Variants in SPAG16 observed in about 807,000 individuals in gnomAD.
SPAG16 encodes the protein sperm associated antigen 16.
SPAG16 carries 86 observed loss-of-function variants against 80.4 expected under a neutral mutation model. The ratio of observed to expected loss-of-function variants is 1.07; its 90% CI spans 0.90 to 1.28. The LOEUF (loss-of-function observed/expected upper bound fraction) is 1.28. Among genes scored for constraint, SPAG16 ranks in the 50% most tolerant of loss-of-function variants. The pLI, the probability that SPAG16 is intolerant of heterozygous loss-of-function variation, is 0.00. For missense variants in SPAG16, 870 were observed against 765.3 expected (o/e 1.14, Z -1.61); for synonymous variants, 294 against 265.9 (o/e 1.11, Z -1.03).
At chr2:214,128,908 C>G (rs572331972) in intron 14 of SPAG16, among the ~76,000 whole-genome samples, 2 of 151,676 alleles carry the variant, frequency 1.3e-5, no homozygotes, top group African/African-American at 4.8e-5. Flanking sequence ...ATTACTTCCC[C>G]GCTACTAAAG....
intron 13 of SPAG16, among the ~76,000 whole-genome samples, chr2:214,093,345 T>C (rs1559783375): frequency 6.6e-5 from 10 of 152,112 alleles, no homozygotes; most frequent in Admixed American, 6.6e-4. Context: ...TTCAACTTTA[T>C]TGCCATAGTA....
intron 5 of SPAG16, among the ~76,000 whole-genome samples, chr2:213,319,962 A>G (rs559248428): frequency 1.3e-5 from 2 of 152,096 alleles, no homozygotes; most frequent in African/African-American, 4.8e-5. Context: ...ATCTCATTCA[A>G]TAGAACTTAA....
Position 213,547,757 on chromosome 2 carries a change from C to T in SPAG16, c.1070+57667C>T, listed in dbSNP as rs556831618. 1.2e-4 allele frequency among the ~76,000 whole-genome samples: 19 copies of T among 152,230 alleles called. No individual in the cohort carries two copies. The South Asian group carries it at 3.7e-3, about 30-fold the overall frequency. On this transcript the variant is annotated intron_variant, in intron 10 of 15. Transcript: ENST00000331683. ...CAAGTAACCATTTAATATATTTTTT[C>T]GTATCCTTCGGAGGATTCATTTATA...
Position 213,350,596 on chromosome 2 carries a change from T to C in SPAG16, c.713T>C (p.Leu238Pro), listed in dbSNP as rs1331072413. ...RVLHEKHHTL[L>P]KEKMLTSLER... Reference sequence around the variant, plus strand: ...TTACATGAGAAACACCACACTTTACTGAAGGAGAAAATGCTGACCTCCTTG... The same window carrying C: ...TTACATGAGAAACACCACACTTTACCGAAGGAGAAAATGCTGACCTCCTTG... Residue 238 changes from leucine to proline, a missense_variant, in exon 7 of 16, where the codon CTG (leucine) becomes CCG (proline). Leu to Pro is a moderately conservative substitution (Grantham distance 98). Transcript: ENST00000331683. The C allele has an allele frequency of 1.9e-6, 3 of 1,605,478 alleles. No individual in the cohort carries two copies. The highest frequency in any genetic ancestry group is 2.5e-6 in the Non-Finnish European group (3 of 1,177,430).
At chr2:213,622,154 C>T (rs2061810063) in intron 10 of SPAG16, among the ~76,000 whole-genome samples, 1 of 152,078 alleles carries the variant, frequency 6.6e-6, no homozygotes. Flanking sequence ...AAATGGACCA[C>T]CCAATAGTCC....
intron 15 of SPAG16, among the ~76,000 whole-genome samples, chr2:214,218,151 A>G (rs891833208): frequency 6.6e-6 from 1 of 152,176 alleles, no homozygotes; most frequent in African/African-American, 2.4e-5. Flanking sequence ...GTGTCGCATG[A>G]AAGACTTCGA....
chr2:213,454,722 C>T (rs2071895436), intron 9 of SPAG16, among the ~76,000 whole-genome samples: 1 of 152,088 alleles, frequency 6.6e-6, no homozygotes, highest in Non-Finnish European at 1.5e-5. Flanking sequence ...CTGTTGCTGC[C>T]CACATGTAGG....
intron 10 of SPAG16, among the ~76,000 whole-genome samples, chr2:213,683,681 C>A (rs543862397): frequency 1.3e-5 from 2 of 151,888 alleles, no homozygotes; most frequent in Non-Finnish European, 2.9e-5. Context: ...AGGGTGAATG[C>A]CAAACATGCA....
chr2:213,450,072 A>C (rs1575617324), intron 9 of SPAG16, among the ~76,000 whole-genome samples: 1 of 152,338 alleles, frequency 6.6e-6, no homozygotes. Context: ...TGGTAGGCCA[A>C]GGCAGGTGGA....
chr2:213,893,401 G>A (rs2076862031), intron 11 of SPAG16, among the ~76,000 whole-genome samples: 1 of 152,152 alleles, frequency 6.6e-6, no homozygotes, highest in Non-Finnish European at 1.5e-5. Context: ...ATAATTAAGT[G>A]CATGGCCAAA....
At chr2:214,365,899 A>G (rs1198698893) in intron 15 of SPAG16, among the ~76,000 whole-genome samples, 1 of 152,130 alleles carries the variant, frequency 6.6e-6, no homozygotes, top group Non-Finnish European at 1.5e-5. Flanking sequence ...TTACAACTAA[A>G]AATAAAAAGG....
chr2:213,421,645 C>G (rs139099269), intron 9 of SPAG16, among the ~76,000 whole-genome samples: 124 of 152,318 alleles, frequency 8.1e-4, no homozygotes, highest in African/African-American at 2.9e-3. Context: ...CACCCAAGGA[C>G]CAATCAGCAC....
chr2:213,440,805 A>G (rs1317692660), intron 9 of SPAG16, among the ~76,000 whole-genome samples: 1 of 152,230 alleles, frequency 6.6e-6, no homozygotes, highest in Non-Finnish European at 1.5e-5. Flanking sequence ...ATATCTAAAC[A>G]TGAAAGGTAT....
intron 15 of SPAG16, among the ~76,000 whole-genome samples, chr2:214,358,141 A>C (rs953123878): frequency 6.6e-6 from 1 of 151,774 alleles, no homozygotes; most frequent in African/African-American, 2.4e-5. Context: ...TACTATTCAC[A>C]TTGTGGTCCA....
At chr2:213,712,641 T>A (rs1253556846) in intron 10 of SPAG16, among the ~76,000 whole-genome samples, 1 of 152,208 alleles carries the variant, frequency 6.6e-6, no homozygotes, top group African/African-American at 2.4e-5. Context: ...CATTTGCCCT[T>A]CTTTCTCTCT....
In SPAG16 at chr2:213,340,163, CA is replaced by C. The variant is rs1320555846; in HGVS notation, c.540del (p.Ala181LeufsTer6). 6.3e-7 allele frequency: 1 copy of C among 1,592,376 alleles called. No individual in the cohort carries two copies. The highest frequency in any genetic ancestry group is 8.5e-7 in the Non-Finnish European group (1 of 1,170,274). ...TATAAAGTTACTATTTTTTTTTCAG[CA>C]AAGCTAGAGAAGATTTGCTGAAAAT... ...DLKHYKQAAD[K>X]AREDLLKIQK... On this transcript the variant is annotated frameshift_variant and splice_region_variant, in exon 6 of 16. Transcript: ENST00000331683. LOFTEE classifies it high-confidence loss of function.
At chr2:213,831,284 C>T (rs956467949) in intron 10 of SPAG16, among the ~76,000 whole-genome samples, 1 of 151,852 alleles carries the variant, frequency 6.6e-6, no homozygotes, top group Non-Finnish European at 1.5e-5. Flanking sequence ...GTGATCCACC[C>T]ACCTCGGCCT....
At chr2:213,379,792 C>T (rs2067072437) in intron 9 of SPAG16, among the ~76,000 whole-genome samples, 1 of 152,164 alleles carries the variant, frequency 6.6e-6, no homozygotes, top group Non-Finnish European at 1.5e-5. Flanking sequence ...ATAACCAGGT[C>T]AGCCATGGTC....
intron 10 of SPAG16, among the ~76,000 whole-genome samples, chr2:213,701,150 G>A (rs948341188): frequency 5.3e-5 from 8 of 152,184 alleles, no homozygotes; most frequent in African/African-American, 1.9e-4. Context: ...TGAGGCAGGA[G>A]AATCGCTTGA....
Sources: gnomAD v4.1 joint callset for allele counts (sites outside exome capture counted in the v4.1 genomes callset) on GRCh38, gnomAD v4.1.1 for gene constraint, MANE v1.5 for transcripts, NCBI Gene and HGNC (gene_info 2026-07-23, HGNC 2026-07-21) for gene names.